The following MAGI2 variants were observed in gnomAD, a reference collection of about 807,000 sequenced individuals.
MAGI2 encodes membrane-associated guanylate kinase, WW and PDZ domain-containing protein 2.
MAGI2 carries 35 observed loss-of-function variants against 133.3 expected under a neutral mutation model. The observed-to-expected ratio is 0.26, with a 90% CI of 0.20 to 0.35. The LOEUF (loss-of-function observed/expected upper bound fraction) is 0.35. Among genes scored for constraint, MAGI2 ranks in the 10% least tolerant of loss-of-function variants. The pLI, the probability that MAGI2 is intolerant of heterozygous loss-of-function variation, is 1.00. For synonymous variants in MAGI2, 729 were observed against 710.6 expected, an observed-to-expected ratio of 1.03 and a Z score of -0.41; for missense variants, 1,636 against 1,863.4, an observed-to-expected ratio of 0.88 and a Z score of 2.25.
intron 9 of MAGI2, among the ~76,000 whole-genome samples, chr7:78,266,280 A>G (rs972388236): frequency 1.3e-5 from 2 of 152,172 alleles, no homozygotes; most frequent in Non-Finnish European, 2.9e-5. Context: ...GGCTCACTGC[A>G]GTCTTGACCT....
intron 16 of MAGI2, among the ~76,000 whole-genome samples, chr7:78,156,010 CCTT>C (rs572065546): frequency 9.6e-4 from 146 of 152,242 alleles, no homozygotes; most frequent in African/African-American, 3.4e-3. Flanking sequence ...ACATTTGGGT[CCTT>C]CTTCTCTCCT....
intron 2 of MAGI2, among the ~76,000 whole-genome samples, chr7:78,748,975 T>C (rs1823199549): frequency 6.6e-6 from 1 of 152,206 alleles, no homozygotes; most frequent in Non-Finnish European, 1.5e-5. Context: ...ATACATGGAG[T>C]ACTAAGTACT....
At chr7:79,276,826 G>A (rs1478719746) in intron 1 of MAGI2, among the ~76,000 whole-genome samples, 1 of 152,086 alleles carries the variant, frequency 6.6e-6, no homozygotes, top group Non-Finnish European at 1.5e-5. Flanking sequence ...TTGGTCCAGT[G>A]TGGTGGCACA....
intron 2 of MAGI2, among the ~76,000 whole-genome samples, chr7:78,911,514 T>C (rs1373803162): frequency 6.6e-6 from 1 of 152,070 alleles, no homozygotes; most frequent in African/African-American, 2.4e-5. Context: ...AGTCTGGAAA[T>C]TGTCCCTCAC....
At chr7:78,075,426 G>C (rs1815179047) in intron 21 of MAGI2, among the ~76,000 whole-genome samples, 1 of 149,806 alleles carries the variant, frequency 6.7e-6, no homozygotes, top group Non-Finnish European at 1.5e-5. Context: ...ACCCAGGCTG[G>C]AGTGCAGTGG....
intron 10 of MAGI2, among the ~76,000 whole-genome samples, chr7:78,243,782 G>T (rs1394691556): frequency 6.6e-6 from 1 of 151,960 alleles, no homozygotes; most frequent in East Asian, 1.9e-4. Context: ...CACAAATTAA[G>T]CAGAAGACTT....
At chr7:79,158,522 C>A (rs1824043287) in intron 1 of MAGI2, among the ~76,000 whole-genome samples, 1 of 151,898 alleles carries the variant, frequency 6.6e-6, no homozygotes, top group African/African-American at 2.4e-5. Flanking sequence ...TTTATGTATT[C>A]CTGCAGAATA....
chr7:78,606,310 C>T (rs989846092), intron 3 of MAGI2, among the ~76,000 whole-genome samples: 6 of 152,080 alleles, frequency 3.9e-5, no homozygotes, highest in African/African-American at 1.4e-4. Flanking sequence ...GGTCAGTTGA[C>T]TGGTGTATGT....
At chr7:78,941,839 C>T (rs1801011857) in intron 2 of MAGI2, among the ~76,000 whole-genome samples, 1 of 151,574 alleles carries the variant, frequency 6.6e-6, no homozygotes, top group Non-Finnish European at 1.5e-5. Context: ...CTGTTTTCCC[C>T]CTACCCCTCC....
rs183521030 is a variant in MAGI2, at chr7:78,540,167, T to C, written c.539-18522A>G. Among the ~76,000 whole-genome samples, 43 of 152,282 alleles carry C rather than the reference T, an allele frequency of 2.8e-4. No homozygotes were observed. In the East Asian group the frequency reaches 7.7e-3, roughly 27 times the overall value. On this transcript the variant is annotated intron_variant, in intron 3 of 21. Transcript: ENST00000354212. Reference sequence around the variant, plus strand: ...CCCAAAAGTTTATGTCTTTCGTCTTTGGCTACTAGGGTGGGTAGAGAAAGA... The same window carrying C: ...CCCAAAAGTTTATGTCTTTCGTCTTCGGCTACTAGGGTGGGTAGAGAAAGA...
intron 6 of MAGI2, among the ~76,000 whole-genome samples, chr7:78,409,793 A>AC (rs1797705624): frequency 6.6e-6 from 1 of 152,080 alleles, no homozygotes; most frequent in Non-Finnish European, 1.5e-5. Context: ...ATGTTCCCAG[A>AC]CCCTGCCCCG....
At chr7:78,457,157 C>T (rs1789407491) in intron 6 of MAGI2, among the ~76,000 whole-genome samples, 1 of 152,190 alleles carries the variant, frequency 6.6e-6, no homozygotes, top group African/African-American at 2.4e-5. Context: ...ACTAGCCCTG[C>T]CCCGCTTTAG....
intron 21 of MAGI2, chr7:78,026,153 C>G (rs1305211278): frequency 6.6e-6 from 1 of 152,436 alleles, no homozygotes. Context: ...TATATATACA[C>G]ACAGATCACA....
intron 21 of MAGI2, among the ~76,000 whole-genome samples, chr7:78,051,810 C>G (rs1050409076): frequency 6.6e-6 from 1 of 151,778 alleles, no homozygotes. Flanking sequence ...GTCTTGAACC[C>G]CTGGCCTCAA....
chr7:78,644,651 G>A (rs562237380), intron 2 of MAGI2, among the ~76,000 whole-genome samples: 199 of 152,030 alleles, frequency 1.3e-3, no homozygotes, highest in Non-Finnish European at 2.1e-3. Flanking sequence ...GCTAAAGCAA[G>A]AATTCAAGAG....
chr7:78,724,720 C>T (rs113309729), intron 2 of MAGI2, among the ~76,000 whole-genome samples: 15 of 152,316 alleles, frequency 9.8e-5, no homozygotes, highest in African/African-American at 3.6e-4. Context: ...GCAATTCCAG[C>T]ACTGAGACAT....
chr7:78,939,692 T>G (rs1185881261), intron 2 of MAGI2, among the ~76,000 whole-genome samples: 1 of 152,192 alleles, frequency 6.6e-6, no homozygotes, highest in East Asian at 1.9e-4. Flanking sequence ...CTTTGTGGGA[T>G]GGGGATCTCT....
chr7:78,797,930 C>T (rs957527634), intron 2 of MAGI2, among the ~76,000 whole-genome samples: 19 of 152,232 alleles, frequency 1.2e-4, no homozygotes, highest in African/African-American at 4.3e-4. Flanking sequence ...TAATAATGTC[C>T]ATTCTAATTC....
chr7:78,112,685 A>G (rs1455234757), intron 20 of MAGI2, among the ~76,000 whole-genome samples: 1 of 152,214 alleles, frequency 6.6e-6, no homozygotes. Flanking sequence ...TCACGTATGC[A>G]TTCAGCAGTC....
Sources: allele counts gnomAD v4.1 joint callset (sites outside exome capture counted in the v4.1 genomes callset), GRCh38; gene constraint gnomAD v4.1.1; transcripts MANE v1.5; gene names NCBI Gene and HGNC (gene_info 2026-07-23, HGNC 2026-07-21).